CNTNAP2: variants seen among roughly 807,000 people sequenced by gnomAD.
CNTNAP2 encodes the protein contactin associated protein 2, also known as contactin-associated protein-like 2.
A neutral mutation model predicts 155.2 loss-of-function variants in CNTNAP2; 98 were observed. That is an observed-to-expected ratio of 0.63 (90% confidence interval 0.54 to 0.75). The LOEUF (loss-of-function observed/expected upper bound fraction) is 0.75, where lower values mean the gene tolerates loss of function less well. Among genes scored for constraint, CNTNAP2 ranks in the 30% least tolerant of loss-of-function variants. The pLI is 0.00. For synonymous variants in CNTNAP2, 651 were observed against 631.2 expected, an observed-to-expected ratio of 1.03 and a Z score of -0.47; for missense variants, 1,727 against 1,688.1, an observed-to-expected ratio of 1.02 and a Z score of -0.40.
chr7:147,524,139 A>G (rs960641266), intron 11 of CNTNAP2, among the ~76,000 whole-genome samples: 1 of 152,196 alleles, frequency 6.6e-6, no homozygotes, highest in Non-Finnish European at 1.5e-5. Flanking sequence ...CACCTTGTCT[A>G]CAGCCTAGAT....
chr7:148,149,100 G>A (rs530364220), intron 17 of CNTNAP2, among the ~76,000 whole-genome samples: 1 of 152,332 alleles, frequency 6.6e-6, no homozygotes, highest in South Asian at 2.1e-4. Context: ...ATGCTGGGTA[G>A]ATTCTATCTG....
chr7:147,514,214 A>T (rs909274834), intron 11 of CNTNAP2, among the ~76,000 whole-genome samples: 1 of 152,142 alleles, frequency 6.6e-6, no homozygotes, highest in African/African-American at 2.4e-5. Context: ...GAACAACCAT[A>T]TTGGTTTATT....
intron 3 of CNTNAP2, among the ~76,000 whole-genome samples, chr7:147,040,829 G>A (rs1799247032): frequency 6.6e-6 from 1 of 152,108 alleles, no homozygotes; most frequent in Non-Finnish European, 1.5e-5. Flanking sequence ...GGAAGAGGTT[G>A]CTGAGCAGTC....
At chr7:147,194,718 G>A (rs1584784771) in intron 8 of CNTNAP2, among the ~76,000 whole-genome samples, 1 of 151,956 alleles carries the variant, frequency 6.6e-6, no homozygotes, top group Admixed American at 6.6e-5. Context: ...CTGCATAAAT[G>A]TGTTTGAGAA....
chr7:147,933,085 G>GTTTGTTTGTTTT (rs1554451510), intron 14 of CNTNAP2, among the ~76,000 whole-genome samples: 1 of 151,010 alleles, frequency 6.6e-6, no homozygotes, highest in East Asian at 1.9e-4. Flanking sequence ...TTGTTTGTTT[G>GTTTGTTTGTTTT]TTTGTTTGTT....
intron 18 of CNTNAP2, among the ~76,000 whole-genome samples, chr7:148,182,238 C>G (rs1409365233): frequency 2.6e-5 from 4 of 152,206 alleles, no homozygotes; most frequent in Non-Finnish European, 5.9e-5. Context: ...CATATTAGCT[C>G]CATGACTTGA....
In CNTNAP2 at chr7:147,449,366, C is replaced by T. The variant is rs137910468; in HGVS notation, c.1671-36569C>T. On this transcript the variant is annotated intron_variant, in intron 10 of 23. Transcript: ENST00000361727. ...AGCAACGTTCTCATCTAGTGTGGGG[C>T]CTCACTATGCAAATCTGCCAAGGTT... 3.9e-5 allele frequency among the ~76,000 whole-genome samples: 6 copies of T among 152,140 alleles called. No homozygotes were observed. The East Asian group carries it at 5.8e-4, about 15-fold the overall frequency.
intron 13 of CNTNAP2, among the ~76,000 whole-genome samples, chr7:147,900,136 A>T (rs1450031605): frequency 2.0e-5 from 3 of 152,014 alleles, no homozygotes; most frequent in Non-Finnish European, 4.4e-5. Context: ...CTCTCTGGGA[A>T]ATCCTCCTGT....
chr7:146,397,379 G>A (rs1049841064), intron 1 of CNTNAP2, among the ~76,000 whole-genome samples: 7 of 152,150 alleles, frequency 4.6e-5, no homozygotes, highest in African/African-American at 1.7e-4. Context: ...CCATTCAGGA[G>A]GCTATTGTTG....
intron 15 of CNTNAP2, among the ~76,000 whole-genome samples, chr7:147,986,946 A>G (rs1415153721): frequency 1.3e-5 from 2 of 150,982 alleles, no homozygotes; most frequent in African/African-American, 4.9e-5. Flanking sequence ...GAAGGCATGA[A>G]AAAAAAAACA....
chr7:146,334,371 C>CA, intron 1 of CNTNAP2, among the ~76,000 whole-genome samples: 1 of 147,448 alleles, frequency 6.8e-6, no homozygotes, highest in African/African-American at 2.5e-5. Context: ...GTGGAGGTTG[C>CA]AGTGAGCCAA....
At chr7:147,078,072 T>G (rs1800029534) in intron 4 of CNTNAP2, among the ~76,000 whole-genome samples, 1 of 152,236 alleles carries the variant, frequency 6.6e-6, no homozygotes. Context: ...AAATGATACT[T>G]ACATTTTTCT....
intron 13 of CNTNAP2, among the ~76,000 whole-genome samples, chr7:147,693,301 C>G (rs1470859213): frequency 6.6e-6 from 1 of 152,006 alleles, no homozygotes; most frequent in Non-Finnish European, 1.5e-5. Flanking sequence ...CTTTAGTCTT[C>G]TTTAATATTC....
In CNTNAP2 at chr7:148,229,642, A is replaced by G. The variant is rs3779031; in HGVS notation, c.3248-4A>G. 311,766 of 1,613,586 alleles carry G rather than the reference A, an allele frequency of 0.19. 32,279 individuals carry two copies. The highest frequency in any genetic ancestry group is 0.33 in the Admixed American group (19,725 of 60,006). On this transcript the variant is annotated splice_polypyrimidine_tract_variant and splice_region_variant and intron_variant, in intron 19 of 23. Transcript: ENST00000361727. ...ATTACTGAGCTTTCTTTTTTCTTCTATAGGAAGCTTACAGATTCGATACAA... is the reference window on the plus strand; with the variant it reads ...ATTACTGAGCTTTCTTTTTTCTTCTGTAGGAAGCTTACAGATTCGATACAA...
At chr7:146,493,169 A>C (rs1797164638) in intron 1 of CNTNAP2, among the ~76,000 whole-genome samples, 1 of 152,146 alleles carries the variant, frequency 6.6e-6, no homozygotes, top group Non-Finnish European at 1.5e-5. Flanking sequence ...TTATTTATAT[A>C]CCTCCGTTTA....
chr7:147,232,648 T>A (rs1373199425), intron 8 of CNTNAP2, among the ~76,000 whole-genome samples: 4 of 152,180 alleles, frequency 2.6e-5, no homozygotes, highest in Non-Finnish European at 5.9e-5. Context: ...AGAATAAAAT[T>A]AGACTCCTGT....
intron 21 of CNTNAP2, among the ~76,000 whole-genome samples, chr7:148,282,530 C>G (rs567753707): frequency 4.6e-5 from 7 of 152,294 alleles, no homozygotes; most frequent in African/African-American, 1.7e-4. Context: ...GCCTGGCACA[C>G]AGTGAGTGTC....
chr7:147,824,617 T>A (rs1798417076), intron 13 of CNTNAP2, among the ~76,000 whole-genome samples: 1 of 152,140 alleles, frequency 6.6e-6, no homozygotes, highest in Admixed American at 6.6e-5. Context: ...TGGACAGTCA[T>A]TTTCCTGGAC....
intron 3 of CNTNAP2, among the ~76,000 whole-genome samples, chr7:147,038,672 C>CA (rs1799204303): frequency 6.6e-6 from 1 of 152,162 alleles, no homozygotes; most frequent in African/African-American, 2.4e-5. Flanking sequence ...GCTGTTCTTC[C>CA]ACACCAATGT....
Sources: gnomAD v4.1 joint callset for allele counts (sites outside exome capture counted in the v4.1 genomes callset) on GRCh38, gnomAD v4.1.1 for gene constraint, MANE v1.5 for transcripts, NCBI Gene and HGNC (gene_info 2026-07-23, HGNC 2026-07-21) for gene names.